Variants in RCSD1 observed in about 807,000 individuals in gnomAD.
RCSD1 encodes the protein RCSD domain containing 1, also known as capZ-interacting protein.
RCSD1 carries 26 observed loss-of-function variants against 42.5 expected under a neutral mutation model. The ratio of observed to expected loss-of-function variants is 0.61; its 90% CI spans 0.45 to 0.85. RCSD1 has a LOEUF of 0.85. Ranked by LOEUF, RCSD1 falls within the 40% of genes least tolerant of loss-of-function variation. The pLI is 0.00. For synonymous variants in RCSD1, 220 were observed against 212.2 expected (o/e 1.04, Z -0.32); for missense variants, 571 against 528.3 (o/e 1.08, Z -0.79).
chr1:167,641,846 A>T (rs1658013755), intron 1 of RCSD1: 1 of 152,274 alleles, frequency 6.6e-6, no homozygotes, highest in Non-Finnish European at 1.5e-5. Context: ...GTGAGTAAAC[A>T]GTCCTGTTGC....
intron 4 of RCSD1, 77 bp from the exon 5 acceptor site, chr1:167,694,022 A>C: frequency 6.9e-7 from 1 of 1,445,236 alleles, no homozygotes; most frequent in Middle Eastern, 1.7e-4. Flanking sequence ...GCCTGAGGCC[A>C]GATAACCAAC....
intron 1 of RCSD1, among the ~76,000 whole-genome samples, chr1:167,679,589 T>C (rs1659030611): frequency 6.6e-6 from 1 of 152,220 alleles, no homozygotes; most frequent in Non-Finnish European, 1.5e-5. Context: ...CAAACATACC[T>C]CAGACCTTTG....
intron 1 of RCSD1, among the ~76,000 whole-genome samples, chr1:167,648,973 G>A (rs1571676658): frequency 6.6e-6 from 1 of 152,226 alleles, no homozygotes; most frequent in African/African-American, 2.4e-5. Context: ...CTTGGATCCT[G>A]CCCTCAGGGA....
intron 1 of RCSD1, among the ~76,000 whole-genome samples, chr1:167,668,045 C>T (rs1267031368): frequency 6.6e-6 from 1 of 152,116 alleles, no homozygotes; most frequent in Non-Finnish European, 1.5e-5. Flanking sequence ...AATCCCGACA[C>T]TTTAGGAGGC....
intron 4 of RCSD1, among the ~76,000 whole-genome samples, chr1:167,691,112 A>G (rs1659365849): frequency 6.6e-6 from 1 of 152,144 alleles, no homozygotes; most frequent in Non-Finnish European, 1.5e-5. Flanking sequence ...CTCGAGCTGG[A>G]TAGTGTTGTT....
chr1:167,630,520 G>T, intron 1 of RCSD1, 91 bp downstream of exon 1: 1 of 1,327,210 alleles, frequency 7.5e-7, no homozygotes. Flanking sequence ...CCTGAGCATG[G>T]AGCACGCGGC....
rs140224946 is a variant in RCSD1, at chr1:167,690,173, A to T, written c.270+53A>T. Reference sequence around the variant, plus strand: ...TACCTTTTATCTAACTCCACTTCTTATCCAAAATTTGCATGACTTTGAGGC... The same window carrying T: ...TACCTTTTATCTAACTCCACTTCTTTTCCAAAATTTGCATGACTTTGAGGC... On this transcript the variant is annotated intron_variant, in intron 4 of 6. Coordinates refer to ENST00000367854, the MANE Select transcript of RCSD1 (RefSeq NM_052862.4). The T allele has an allele frequency of 9.5e-6, 15 of 1,571,312 alleles. No homozygotes were observed. The East Asian group carries it at 3.4e-4, about 35-fold the overall frequency.
intron 1 of RCSD1, among the ~76,000 whole-genome samples, chr1:167,657,414 T>C (rs181842331): frequency 1.2e-4 from 18 of 152,308 alleles, no homozygotes; most frequent in Admixed American, 4.6e-4. Flanking sequence ...AGATTGATCA[T>C]TTGCTTGAGC....
chr1:167,697,049 G>A (rs748640386), intron 5 of RCSD1, 50 bp from the exon 6 acceptor site: 2 of 1,552,756 alleles, frequency 1.3e-6, no homozygotes, highest in Admixed American at 3.7e-5. Flanking sequence ...TCCTCCTCTT[G>A]GCCTTTTTTT....
intron 1 of RCSD1, among the ~76,000 whole-genome samples, chr1:167,665,900 C>G (rs1431001683): frequency 6.6e-6 from 1 of 152,138 alleles, no homozygotes; most frequent in African/African-American, 2.4e-5. Context: ...CAACCTCTGC[C>G]TCCCAGGTTC....
chr1:167,653,552 G>A (rs985783377), intron 1 of RCSD1, among the ~76,000 whole-genome samples: 2 of 152,346 alleles, frequency 1.3e-5, no homozygotes, highest in South Asian at 4.1e-4. Context: ...AGCGGCTGAT[G>A]TCTTTAAACC....
intron 1 of RCSD1, among the ~76,000 whole-genome samples, chr1:167,642,711 C>T (rs1248270506): frequency 6.6e-6 from 1 of 152,122 alleles, no homozygotes; most frequent in East Asian, 1.9e-4. Context: ...ATTGTCTACG[C>T]CTTTTGATTG....
At chr1:167,630,491 C>T (rs1657668458) in intron 1 of RCSD1, 62 bp downstream of exon 1, 22 of 1,475,774 alleles carry the variant, frequency 1.5e-5, no homozygotes, top group Non-Finnish European at 1.9e-5. Context: ...GCGCCCCTTC[C>T]CCGGGCGGCT....
At chr1:167,639,526 T>G (rs1437489817) in intron 1 of RCSD1, among the ~76,000 whole-genome samples, 2 of 152,112 alleles carry the variant, frequency 1.3e-5, no homozygotes, top group African/African-American at 4.8e-5. Context: ...GGAGTCTTGC[T>G]CTGTCTCCCA....
chr1:167,680,404 G>GGGA (rs367846137), intron 1 of RCSD1, among the ~76,000 whole-genome samples: 26 of 151,942 alleles, frequency 1.7e-4, no homozygotes, highest in Admixed American at 7.2e-4. Flanking sequence ...CAGGTCGGAT[G>GGGA]GGAGGAGGAG....
intron 1 of RCSD1, among the ~76,000 whole-genome samples, chr1:167,672,913 T>C (rs1482322088): frequency 2.0e-5 from 3 of 152,174 alleles, no homozygotes; most frequent in Non-Finnish European, 4.4e-5. Context: ...GTATGTCTCA[T>C]CCAGGGTGCT....
Position 167,705,006 on chromosome 1 carries a change from C to T in RCSD1, c.*310C>T, listed in dbSNP as rs1026554415. On this transcript the variant is annotated 3_prime_UTR_variant, in exon 7 of 7. Transcript: ENST00000367854. ...GGTGATGAGTCCCAGGGGCACTGGT[C>T]AGCCTGTGGAGCCCTGGATGCTATC... 1 of 277,096 alleles carries T rather than the reference C, an allele frequency of 3.6e-6. No homozygotes were observed. Among genetic ancestry groups the T allele is most frequent in the Admixed American group, 4.9e-5 (1 of 20,430 alleles). 17.2% of individuals were successfully genotyped at this position (277,096 alleles called of 1,614,324 possible).
At chr1:167,661,906 C>T (rs1363673364) in intron 1 of RCSD1, among the ~76,000 whole-genome samples, 1 of 152,190 alleles carries the variant, frequency 6.6e-6, no homozygotes, top group East Asian at 1.9e-4. Flanking sequence ...TCTGTGCTCA[C>T]TATAAGGAGG....
intron 1 of RCSD1, among the ~76,000 whole-genome samples, chr1:167,642,304 G>T (rs921690787): frequency 2.1e-5 from 3 of 140,740 alleles, no homozygotes; most frequent in African/African-American, 7.8e-5. Flanking sequence ...CTGACAAGAG[G>T]GGGAAAGCCG....
Sources: allele counts gnomAD v4.1 joint callset (sites outside exome capture counted in the v4.1 genomes callset), GRCh38; gene constraint gnomAD v4.1.1; transcripts MANE v1.5; gene names NCBI Gene and HGNC (gene_info 2026-07-23, HGNC 2026-07-21).